PPP4R3A: variants seen among roughly 807,000 people sequenced by gnomAD.
PPP4R3A encodes protein phosphatase 4 regulatory subunit 3A, also known as serine/threonine-protein phosphatase 4 regulatory subunit 3A.
Under a neutral mutation model 91.7 loss-of-function variants are expected in PPP4R3A, and 15 were observed. That is an observed-to-expected ratio of 0.16 (90% confidence interval 0.11 to 0.25). PPP4R3A has a LOEUF of 0.25. PPP4R3A is among the 10% of genes least tolerant of loss of function. The pLI, the probability that PPP4R3A is intolerant of heterozygous loss-of-function variation, is 1.00. For missense variants in PPP4R3A, 623 were observed against 998.4 expected, an observed-to-expected ratio of 0.62 and a Z score of 5.07; for synonymous variants, 377 against 348.7, an observed-to-expected ratio of 1.08 and a Z score of -0.91.
At chr14:91,482,464 G>C (rs555134542) in intron 3 of PPP4R3A, among the ~76,000 whole-genome samples, 1 of 152,220 alleles carries the variant, frequency 6.6e-6, no homozygotes, top group African/African-American at 2.4e-5. Flanking sequence ...TAAACTAAGT[G>C]AGACTGTTAC....
intron 1 of PPP4R3A, among the ~76,000 whole-genome samples, chr14:91,504,744 T>G (rs1891181058): frequency 6.6e-6 from 1 of 151,964 alleles, no homozygotes; most frequent in African/African-American, 2.4e-5. Context: ...TAAAGCAAGG[T>G]AGGTTGAGTG....
At chr14:91,505,195 G>A (rs1891213668) in intron 1 of PPP4R3A, among the ~76,000 whole-genome samples, 1 of 152,272 alleles carries the variant, frequency 6.6e-6, no homozygotes, top group Non-Finnish European at 1.5e-5. Flanking sequence ...GCTCACGCCT[G>A]TAATCCCAGC....
At chr14:91,496,949 TCA>T (rs573313594) in intron 1 of PPP4R3A, among the ~76,000 whole-genome samples, 74,018 of 151,336 alleles carry the variant, frequency 0.49, 18,349 homozygotes, top group Admixed American at 0.53. Flanking sequence ...AGTGTTAATA[TCA>T]ATTAACACAA....
intron 12 of PPP4R3A, 50 bp from the exon 13 acceptor site, chr14:91,462,289 T>C (rs1241283645): frequency 6.9e-7 from 1 of 1,450,368 alleles, no homozygotes; most frequent in Non-Finnish European, 9.0e-7. Flanking sequence ...GACTTAATTG[T>C]ACTGTTACAG....
chr14:91,500,682 C>A (rs1890892350), intron 1 of PPP4R3A, among the ~76,000 whole-genome samples: 1 of 152,082 alleles, frequency 6.6e-6, no homozygotes, highest in African/African-American at 2.4e-5. Context: ...AAAAACATTC[C>A]AGTACACATT....
intron 1 of PPP4R3A, among the ~76,000 whole-genome samples, chr14:91,507,489 A>G (rs1354653063): frequency 7.4e-6 from 1 of 135,032 alleles, no homozygotes; most frequent in African/African-American, 3.0e-5. Context: ...AGTTATATAT[A>G]CTATATAGAA....
chr14:91,461,240 C>T (rs143831049), intron 14 of PPP4R3A, 141 bp downstream of exon 14: 11,435 of 715,102 alleles, frequency 0.016, 120 homozygotes, highest in Middle Eastern at 0.039. Flanking sequence ...TAAGTTCAAG[C>T]GGTGGGGGGG....
At chr14:91,508,176 C>T (rs917275101) in intron 1 of PPP4R3A, among the ~76,000 whole-genome samples, 1 of 152,130 alleles carries the variant, frequency 6.6e-6, no homozygotes, top group African/African-American at 2.4e-5. Flanking sequence ...CAGAAAAATA[C>T]ACCCAACATT....
intron 14 of PPP4R3A, among the ~76,000 whole-genome samples, chr14:91,460,154 G>C (rs1321382662): frequency 6.6e-6 from 1 of 152,072 alleles, no homozygotes; most frequent in East Asian, 1.9e-4. Flanking sequence ...TGAGACTACA[G>C]GCGCCCGCCA....
chr14:91,490,877 T>C, intron 1 of PPP4R3A, 75 bp from the exon 2 acceptor site: 1 of 695,988 alleles, frequency 1.4e-6, no homozygotes, highest in Non-Finnish European at 2.2e-6. Flanking sequence ...TACACACATA[T>C]TTCCTTAAAA....
intron 2 of PPP4R3A, among the ~76,000 whole-genome samples, chr14:91,490,150 G>GT (rs2140133155): frequency 6.6e-6 from 1 of 152,260 alleles, no homozygotes; most frequent in South Asian, 2.1e-4. Flanking sequence ...GCGCACGCGC[G>GT]TGTGTACTGA....
At chr14:91,464,001 G>A (rs893203875) in intron 11 of PPP4R3A, among the ~76,000 whole-genome samples, 1 of 152,088 alleles carries the variant, frequency 6.6e-6, no homozygotes, top group Non-Finnish European at 1.5e-5. Context: ...TTACAAGAGA[G>A]AACACACAAC....
intron 14 of PPP4R3A, among the ~76,000 whole-genome samples, chr14:91,459,758 C>A (rs750898043): frequency 2.0e-5 from 3 of 151,470 alleles, no homozygotes; most frequent in Non-Finnish European, 2.9e-5. Flanking sequence ...TCGCTTTAAT[C>A]TGGAAGGTGG....
In PPP4R3A at chr14:91,458,489, G is replaced by A. The variant is rs1595042837; in HGVS notation, c.*270C>T. On this transcript the variant is annotated 3_prime_UTR_variant, in exon 15 of 15. Coordinates refer to ENST00000554943, the MANE Select transcript of PPP4R3A (RefSeq NM_001366432.2). The stretch of plus-strand genomic sequence containing the variant: ...CCACTTACAAAACCCCTGCCCTGTT[G>A]GCTTTTTGTTTCCATTTCCTTCCCT... The A allele has an allele frequency of 2.0e-6, 1 of 495,578 alleles. No homozygotes were observed. The highest frequency in any genetic ancestry group is 3.7e-6 in the Non-Finnish European group (1 of 272,298). The allele number at this position is 495,578 out of a possible 1,614,324, so 30.7% of individuals were successfully genotyped here.
rs1891669236 is a variant in PPP4R3A at position 91,509,779 on chromosome 14, G to C, written c.-132C>G. On this transcript the variant is annotated 5_prime_UTR_variant, in exon 1 of 15. Coordinates refer to ENST00000554943, the MANE Select transcript of PPP4R3A (RefSeq NM_001366432.2). ...CCCGGCCTCACTGCCGCCGCTGGGC[G>C]CCGCGGGGCCGCGCCGCCGCCTGCA... 1 of 1,261,912 alleles carries C rather than the reference G, an allele frequency of 7.9e-7. No homozygotes were observed. The highest frequency in any genetic ancestry group is 9.9e-7 in the Non-Finnish European group (1 of 1,008,202). 78.2% of individuals were successfully genotyped at this position (1,261,912 alleles called of 1,614,324 possible).
At chr14:91,461,305 G>A in intron 14 of PPP4R3A, 76 bp downstream of exon 14, 1 of 1,364,398 alleles carries the variant, frequency 7.3e-7, no homozygotes, top group Non-Finnish European at 1.0e-6. Flanking sequence ...GTAACCAAAG[G>A]GAATCTTAGT....
intron 10 of PPP4R3A, among the ~76,000 whole-genome samples, chr14:91,469,470 CTG>C (rs1205639550): frequency 6.6e-6 from 1 of 152,120 alleles, no homozygotes; most frequent in Non-Finnish European, 1.5e-5. Flanking sequence ...CTCACTTTTT[CTG>C]TGATAGTATA....
intron 5 of PPP4R3A, 96 bp downstream of exon 5, chr14:91,476,813 C>A (rs1889236419): frequency 9.7e-7 from 1 of 1,034,364 alleles, no homozygotes. Context: ...GATCCACCCA[C>A]CTCGGCCTCC....
At chr14:91,500,559 T>C (rs1890884456) in intron 1 of PPP4R3A, among the ~76,000 whole-genome samples, 1 of 152,158 alleles carries the variant, frequency 6.6e-6, no homozygotes, top group Non-Finnish European at 1.5e-5. Flanking sequence ...ACTGTACTGT[T>C]GTATAGCAGG....
Sources: allele counts gnomAD v4.1 joint callset (sites outside exome capture counted in the v4.1 genomes callset), GRCh38; gene constraint gnomAD v4.1.1; transcripts MANE v1.5; gene names NCBI Gene and HGNC (gene_info 2026-07-23, HGNC 2026-07-21).